STK35: variants seen among roughly 807,000 people sequenced by gnomAD.
STK35 encodes the protein serine/threonine kinase 35.
Under a neutral mutation model 37.3 loss-of-function variants are expected in STK35, and 17 were observed. The observed-to-expected ratio is 0.46, with a 90% CI of 0.31 to 0.68. The LOEUF (loss-of-function observed/expected upper bound fraction) is 0.68, where lower values mean the gene tolerates loss of function less well. STK35 is among the 30% of genes least tolerant of loss of function. The pLI, the probability that STK35 is intolerant of heterozygous loss-of-function variation, is 0.05. For synonymous variants in STK35, 385 were observed against 319.1 expected (o/e 1.21, Z -2.20); for missense variants, 595 against 746.7 (o/e 0.80, Z 2.37).
rs766135533 is a variant in STK35 at position 2,103,305 on chromosome 20, A to G, written c.832A>G (p.Met278Val). The part of the protein sequence containing the change: ...VLQRNGLAQR[M>V]SHGNKSSQLY... ...GCAGCGCAATGGGTTAGCCCAGCGC[A>G]TGAGTCACGGCAACAAGAGCTCGCA... Residue 278 changes from methionine to valine, a missense_variant, in exon 2 of 4, where the codon ATG becomes GTG. Met to Val is a conservative substitution (Grantham distance 21). This residue lies in a region of STK35 where 97 missense variants were observed against 146.4 expected (regional missense o/e 0.66). Transcript: ENST00000381482. 1.9e-6 allele frequency: 3 copies of G among 1,613,006 alleles called. No homozygotes were observed. The highest frequency in any genetic ancestry group is 2.5e-6 in the Non-Finnish European group (3 of 1,179,794).
rs1450670137 is a variant in STK35, at chr20:2,101,947, A to G, written c.66A>G (p.Leu22=). The G allele has an allele frequency of 1.5e-5, 23 of 1,514,982 alleles. No homozygotes were observed. Among genetic ancestry groups the G allele is most frequent in the Non-Finnish European group, 2.0e-5 (23 of 1,132,782 alleles). The allele number at this position is 1,514,982 out of a possible 1,614,324, so 93.8% of individuals were successfully genotyped here. ...PAGGAAYVKR[L]CKGLSWREHV... ...GAGGTGCAGCTTATGTAAAGAGGTT[A>G]TGTAAAGGGCTCAGCTGGCGCGAAC... The change falls in exon 1 of 4, where the codon TTA becomes TTG. Residue 22 remains leucine, a synonymous_variant. Transcript: ENST00000381482.
At chr20:2,134,338 C>T (rs1986049314) in intron 3 of STK35, among the ~76,000 whole-genome samples, 1 of 151,790 alleles carries the variant, frequency 6.6e-6, no homozygotes, top group Admixed American at 6.6e-5. Context: ...CTCACTGTTG[C>T]CCTGTTAGAA....
At chr20:2,119,890 G>GTGAGAA (rs1985785981) in intron 3 of STK35, among the ~76,000 whole-genome samples, 1 of 152,176 alleles carries the variant, frequency 6.6e-6, no homozygotes, top group Non-Finnish European at 1.5e-5. Context: ...CATGTGTAGT[G>GTGAGAA]TTCTCAGTGA....
intron 3 of STK35, among the ~76,000 whole-genome samples, chr20:2,142,589 C>G (rs1986190199): frequency 6.6e-6 from 1 of 152,214 alleles, no homozygotes; most frequent in African/African-American, 2.4e-5. Context: ...AACGTCGTCT[C>G]TACTAAAAAT....
Position 2,117,601 on chromosome 20 carries a change from T to C in STK35, c.*37+186T>C, listed in dbSNP as rs1015401479. Among the ~76,000 whole-genome samples the C allele has an allele frequency of 6.6e-6, 1 of 152,156 alleles. No individual in the cohort carries two copies. The highest frequency in any genetic ancestry group is 1.5e-5 in the Non-Finnish European group (1 of 68,014). On this transcript the variant is annotated intron_variant, in intron 3 of 3. Coordinates refer to ENST00000381482, the MANE Select transcript of STK35 (RefSeq NM_080836.4). The surrounding 1 kb of genome is among the most constrained non-coding windows in gnomAD (Gnocchi z 4.4). ...CTGGGATTACAGGCACCTGCCATCA[T>C]GCCCGGCTAATTTTTGTATTTTTAG... is the stretch of plus-strand genomic sequence containing the variant.
At position 2,143,780 on chromosome 20, in the gene STK35, C is replaced by T; in HGVS notation, c.*38-4C>T. On this transcript the variant is annotated splice_polypyrimidine_tract_variant and splice_region_variant and intron_variant, in intron 3 of 3. Coordinates refer to ENST00000381482, the MANE Select transcript of STK35 (RefSeq NM_080836.4). Reference sequence around the variant, plus strand: ...CCCCTCCTTACCCGCCTTCTGTCTTCCAGGTCGATTCCTCGGGACCCACAG... The same window carrying T: ...CCCCTCCTTACCCGCCTTCTGTCTTTCAGGTCGATTCCTCGGGACCCACAG... 2.6e-6 allele frequency: 1 copy of T among 385,900 alleles called. No homozygotes were observed. The highest frequency in any genetic ancestry group is 5.0e-6 in the Non-Finnish European group (1 of 199,850). The allele number at this position is 385,900 out of a possible 1,614,324, so 23.9% of individuals were successfully genotyped here. A position where few individuals can be genotyped will look rare whatever the true frequency, so the allele number is the denominator to read the frequency against.
At chr20:2,124,525 C>T (rs553194619) in intron 3 of STK35, among the ~76,000 whole-genome samples, 2 of 152,062 alleles carry the variant, frequency 1.3e-5, no homozygotes, top group African/African-American at 2.4e-5. Flanking sequence ...ATCATGGGGT[C>T]GAGGTGGTAT....
chr20:2,146,441 A>T lies in STK35; in HGVS notation c.*2695A>T, dbSNP rs375043830. The T allele has an allele frequency of 6.5e-6, 1 of 152,722 alleles. No homozygotes were observed. The highest frequency in any genetic ancestry group is 1.5e-5 in the Non-Finnish European group (1 of 68,100). The allele number at this position is 152,722 out of a possible 1,614,324, so 9.5% of individuals were successfully genotyped here. A position where few individuals can be genotyped will look rare whatever the true frequency, so the allele number is the denominator to read the frequency against. ...AGTTCTAGTAGTATTCAAAACTTCAAACGGCAGTCATTTGTTCTCCTCGGC... is the reference window on the plus strand; with the variant it reads ...AGTTCTAGTAGTATTCAAAACTTCATACGGCAGTCATTTGTTCTCCTCGGC... On this transcript the variant is annotated 3_prime_UTR_variant, in exon 4 of 4. Coordinates refer to ENST00000381482, the MANE Select transcript of STK35 (RefSeq NM_080836.4).
intron 2 of STK35, among the ~76,000 whole-genome samples, chr20:2,109,865 G>A (rs1985585337): frequency 6.6e-6 from 1 of 152,230 alleles, no homozygotes; most frequent in Admixed American, 6.5e-5. Flanking sequence ...GGGGGATTGG[G>A]GGCAGGTAGT....
chr20:2,128,928 G>A (rs934916036), intron 3 of STK35, among the ~76,000 whole-genome samples: 1 of 152,040 alleles, frequency 6.6e-6, no homozygotes, highest in East Asian at 1.9e-4. Flanking sequence ...GGCTTCACGC[G>A]ATTCTCCTGC....
At position 2,145,711 on chromosome 20, in the gene STK35, G is replaced by C. The variant is rs1568584807; in HGVS notation, c.*1965G>C. The C allele has an allele frequency of 6.6e-6, 1 of 152,126 alleles. No individual in the cohort carries two copies. The highest frequency in any genetic ancestry group is 1.5e-5 in the Non-Finnish European group (1 of 68,038). 9.4% of individuals were successfully genotyped at this position (152,126 alleles called of 1,614,324 possible). ...CCTGAGTGCACTGAGTTGTATCCGA[G>C]AGGGTGGGAACAGCAGCATCCCCTA... On this transcript the variant is annotated 3_prime_UTR_variant, in exon 4 of 4. Coordinates refer to ENST00000381482, the MANE Select transcript of STK35 (RefSeq NM_080836.4).
intron 2 of STK35, among the ~76,000 whole-genome samples, chr20:2,108,590 T>A (rs988060371): frequency 4.6e-5 from 7 of 152,366 alleles, no homozygotes; most frequent in Non-Finnish European, 1.0e-4. Flanking sequence ...TGATTTCTGT[T>A]GGTTCCTTCT....
At chr20:2,118,994 C>A (rs967163858) in intron 3 of STK35, among the ~76,000 whole-genome samples, 1 of 152,104 alleles carries the variant, frequency 6.6e-6, no homozygotes, top group African/African-American at 2.4e-5. Flanking sequence ...GTTAAGCAGC[C>A]CATTGTTAAG....
intron 3 of STK35, among the ~76,000 whole-genome samples, chr20:2,132,523 T>C (rs1471849554): frequency 6.6e-6 from 1 of 151,402 alleles, no homozygotes; most frequent in Non-Finnish European, 1.5e-5. Context: ...AAGACAAGGG[T>C]GAGTGGGTGG....
At chr20:2,123,466 A>T (rs1308535729) in intron 3 of STK35, among the ~76,000 whole-genome samples, 1 of 152,174 alleles carries the variant, frequency 6.6e-6, no homozygotes, top group African/African-American at 2.4e-5. Flanking sequence ...ACCCTAGTAC[A>T]ACCCTAATCA....
chr20:2,141,822 A>G (rs189189897), intron 3 of STK35, among the ~76,000 whole-genome samples: 25 of 152,202 alleles, frequency 1.6e-4, no homozygotes, highest in Admixed American at 1.3e-4. Flanking sequence ...ATGTCATGCA[A>G]TGATCTCATT....
chr20:2,129,430 C>T (rs1183615619), intron 3 of STK35, among the ~76,000 whole-genome samples: 1 of 152,098 alleles, frequency 6.6e-6, no homozygotes. Flanking sequence ...CCTTTCATGC[C>T]AGTTCTCGGG....
At chr20:2,108,609 C>A (rs1455369219) in intron 2 of STK35, among the ~76,000 whole-genome samples, 1 of 152,196 alleles carries the variant, frequency 6.6e-6, no homozygotes, top group African/African-American at 2.4e-5. Flanking sequence ...CTGTGTGTCT[C>A]AGCTGCCAGG....
chr20:2,104,139 C>G (rs992162271), intron 2 of STK35, among the ~76,000 whole-genome samples: 3 of 152,158 alleles, frequency 2.0e-5, no homozygotes, highest in African/African-American at 7.2e-5. Flanking sequence ...CCTGGAGGAA[C>G]TAATTATCTT....
Sources: allele counts gnomAD v4.1 joint callset (sites outside exome capture counted in the v4.1 genomes callset), GRCh38; gene constraint gnomAD v4.1.1; regional missense constraint gnomAD v4.1.1; non-coding constraint Gnocchi (gnomAD v3.1); transcripts MANE v1.5; gene names NCBI Gene and HGNC (gene_info 2026-07-23, HGNC 2026-07-21).